Variants in KLC2 observed in about 807,000 individuals in gnomAD.
KLC2 encodes KLC 2.
KLC2 carries 35 observed loss-of-function variants against 75.1 expected under a neutral mutation model. The observed-to-expected ratio is 0.47, with a 90% CI of 0.36 to 0.62. The LOEUF (loss-of-function observed/expected upper bound fraction) is 0.62, where lower values mean the gene tolerates loss of function less well. KLC2 is among the 20% of genes least tolerant of loss of function. The pLI, the probability that KLC2 is intolerant of heterozygous loss-of-function variation, is 0.00. For synonymous variants in KLC2, 314 were observed against 336.7 expected (o/e 0.93, Z 0.74); for missense variants, 611 against 833.2 (o/e 0.73, Z 3.28).
intron 9 of KLC2, 111 bp downstream of exon 9, chr11:66,264,555 T>C: frequency 2.5e-6 from 2 of 810,824 alleles, no homozygotes; most frequent in Non-Finnish European, 4.2e-6. Context: ...TTGGCCTGGC[T>C]GGTCACCAGC....
Position 66,262,404 on chromosome 11 carries a change from G to A in KLC2, c.529+212G>A. ...ATCACAATTAGCTGTGGAGTCACCA[G>A]CCTGGCTTCCAGTGCTGCTCTGCCA... On this transcript the variant is annotated intron_variant, in intron 4 of 15. Coordinates refer to ENST00000394067, the MANE Select transcript of KLC2 (RefSeq NM_001318734.2). The A allele has an allele frequency of 1.2e-5, 7 of 586,338 alleles. No individual in the cohort carries two copies. The South Asian group carries it at 1.4e-4, about 12-fold the overall frequency. 36.3% of individuals were successfully genotyped at this position (586,338 alleles called of 1,614,324 possible). A position where few individuals can be genotyped will look rare whatever the true frequency, so the allele number is the denominator to read the frequency against.
At chr11:66,265,538 G>A (rs752086292) in intron 11 of KLC2, 117 bp from the exon 12 acceptor site, 145 of 845,582 alleles carry the variant, frequency 1.7e-4, no homozygotes, top group Non-Finnish European at 2.4e-4. Flanking sequence ...GACATGGGAA[G>A]GAATGGATTC....
rs1242790697 is a variant in KLC2, at chr11:66,264,390, T to C, written c.1162T>C (p.Leu388=). The C allele has an allele frequency of 2.5e-6, 4 of 1,613,582 alleles. No individual in the cohort carries two copies. The highest frequency in any genetic ancestry group is 2.2e-5 in the East Asian group (1 of 44,892). ...GGGCAAGTACCAGGATGCGGAGACC[T>C]TGTACAAGGAGATCCTCACCCGCGC... The part of the protein sequence containing the change: ...KQGKYQDAET[L]YKEILTRAHE... The change falls in exon 9 of 16, where the codon TTG becomes CTG. Residue 388 remains leucine, a synonymous_variant. Coordinates refer to ENST00000394067, the MANE Select transcript of KLC2 (RefSeq NM_001318734.2).
rs772679759 is a variant in KLC2, at chr11:66,266,061, C to T, written c.1603-32C>T. 1.7e-5 allele frequency: 27 copies of T among 1,613,774 alleles called. 1 individual carries two copies. In the South Asian group the frequency reaches 2.6e-4, roughly 16 times the overall value. On this transcript the variant is annotated intron_variant, in intron 13 of 15. Transcript: ENST00000394067. ...TCGGGCTGGGAGCCTAGGTGGCCAGCGGGGCCTAGAGGCAAGCCTGTCCAC... is the reference window on the plus strand; with the variant it reads ...TCGGGCTGGGAGCCTAGGTGGCCAGTGGGGCCTAGAGGCAAGCCTGTCCAC...
intron 9 of KLC2, chr11:66,264,690 C>T (rs1443248288): frequency 2.7e-5 from 16 of 585,286 alleles, no homozygotes; most frequent in South Asian, 1.8e-4. Context: ...TCTCCACTGG[C>T]GATTCTTGCT....
At chr11:66,245,817 G>A in the KLC2 span, among the ~76,000 whole-genome samples, 12 of 152,254 alleles carry the variant, frequency 7.9e-5, no homozygotes, top group African/African-American at 2.2e-4. Context: ...GGGAGGCGGA[G>A]GTTGCAGTGA....
At chr11:66,248,737 T>G in the KLC2 span, among the ~76,000 whole-genome samples, 3 of 152,102 alleles carry the variant, frequency 2.0e-5, no homozygotes, top group East Asian at 5.8e-4. Flanking sequence ...TCTTCTTTTT[T>G]GTTGTTGATT....
upstream of KLC2, among the ~76,000 whole-genome samples, chr11:66,256,599 GT>G (rs958904513): frequency 2.0e-5 from 3 of 152,062 alleles, no homozygotes; most frequent in African/African-American, 7.3e-5. Flanking sequence ...AAAAAAAGGA[GT>G]TTAAGGTCAC....
intron 15 of KLC2, 89 bp from the exon 16 acceptor site, chr11:66,266,784 C>A: frequency 2.2e-6 from 3 of 1,367,706 alleles, no homozygotes; most frequent in Non-Finnish European, 3.1e-6. Flanking sequence ...GGGATTCCGG[C>A]TGCCTCTGCC....
the KLC2 span, among the ~76,000 whole-genome samples, chr11:66,251,728 T>C: frequency 6.6e-6 from 1 of 150,570 alleles, no homozygotes; most frequent in Admixed American, 6.6e-5. Flanking sequence ...GCCGAGACAA[T>C]GCCATTGCAC....
intron 6 of KLC2, 28 bp downstream of exon 6, chr11:66,263,775 G>T (rs759549261): frequency 4.4e-6 from 7 of 1,607,890 alleles, no homozygotes; most frequent in Non-Finnish European, 8.5e-7. Flanking sequence ...GGGAGGTGGG[G>T]GCTGTGCCCC....
At chr11:66,266,660 GGGGTGGACGT>G (rs750477259) in intron 15 of KLC2, 170 bp downstream of exon 15, 2 of 862,390 alleles carry the variant, frequency 2.3e-6, no homozygotes, top group South Asian at 2.8e-5. Flanking sequence ...GCCTCTCCTG[GGGGTGGACGT>G]GTAAACGGCC....
At chr11:66,261,513 A>G (rs1264764339) in intron 2 of KLC2, 3 of 503,580 alleles carry the variant, frequency 6.0e-6, no homozygotes, top group African/African-American at 5.7e-5. Flanking sequence ...CTGATCCTAG[A>G]AGGAAGGAAC....
chr11:66,262,573 A>G (rs1856509128), intron 4 of KLC2: 2 of 581,660 alleles, frequency 3.4e-6, no homozygotes, highest in East Asian at 2.8e-5. Flanking sequence ...GTACACAGGG[A>G]CACAGGCTCA....
chr11:66,264,039 A>G lies in KLC2; in HGVS notation c.943-7A>G. 1 of 1,608,938 alleles carries G rather than the reference A, an allele frequency of 6.2e-7. No individual in the cohort carries two copies. Among genetic ancestry groups the G allele is most frequent in the Non-Finnish European group, 8.5e-7 (1 of 1,177,284 alleles). On this transcript the variant is annotated splice_polypyrimidine_tract_variant and splice_region_variant and intron_variant, in intron 7 of 15. Transcript: ENST00000394067. ...AGCCCAACCCCTGGCTCCCTCTCCC[A>G]TCCCAGGTCCTGGGCAAGTTTCACC...
At chr11:66,260,654 T>C (rs1856334801) in intron 2 of KLC2, among the ~76,000 whole-genome samples, 1 of 152,106 alleles carries the variant, frequency 6.6e-6, no homozygotes, top group African/African-American at 2.4e-5. Flanking sequence ...TGGAGTATAG[T>C]GGCACGATCT....
chr11:66,264,006 C>T (rs1294338418), intron 7 of KLC2, 40 bp from the exon 8 acceptor site: 1 of 1,610,366 alleles, frequency 6.2e-7, no homozygotes, highest in African/African-American at 1.3e-5. Context: ...GGGGCCCGGG[C>T]AGCCCTGAGC....
At chr11:66,265,821 AT>A in intron 12 of KLC2, 32 bp from the exon 13 acceptor site, 1 of 1,595,106 alleles carries the variant, frequency 6.3e-7, no homozygotes, top group South Asian at 1.1e-5. Context: ...GGTGTGGTCC[AT>A]TCACTGCCTG....
At chr11:66,252,398 G>T (rs1268341210), upstream of KLC2, among the ~76,000 whole-genome samples, 2 of 152,080 alleles carry the variant, frequency 1.3e-5, no homozygotes, top group Non-Finnish European at 2.9e-5. Flanking sequence ...CCATTCTCCT[G>T]CCTCAGCCTC....
Sources: gnomAD v4.1 joint callset for allele counts (sites outside exome capture counted in the v4.1 genomes callset) on GRCh38, gnomAD v4.1.1 for gene constraint, MANE v1.5 for transcripts, NCBI Gene and HGNC (gene_info 2026-07-23, HGNC 2026-07-21) for gene names.